Variants in LPP observed in about 807,000 individuals in gnomAD.
LPP encodes the protein LIM domain containing preferred translocation partner in lipoma.
LPP carries 38 observed loss-of-function variants against 60.4 expected under a neutral mutation model. The ratio of observed to expected loss-of-function variants is 0.63; its 90% CI spans 0.49 to 0.83. The LOEUF (loss-of-function observed/expected upper bound fraction) is 0.83, where lower values mean the gene tolerates loss of function less well. Among genes scored for constraint, LPP ranks in the 40% least tolerant of loss-of-function variants. The probability of loss-of-function intolerance (pLI) is 0.00; values close to 1 mark genes in which losing one functional copy is unlikely to be tolerated. For synonymous variants in LPP, 328 were observed against 290.8 expected, an observed-to-expected ratio of 1.13 and a Z score of -1.30; for missense variants, 902 against 783.6, an observed-to-expected ratio of 1.15 and a Z score of -1.80.
chr3:188,531,308 TA>T (rs1335200827), intron 6 of LPP, among the ~76,000 whole-genome samples: 2 of 152,172 alleles, frequency 1.3e-5, no homozygotes, highest in African/African-American at 4.8e-5. Context: ...TCCTAGGTGA[TA>T]GGGGTGCTGG....
chr3:188,479,896 A>G (rs1047176258), intron 4 of LPP, among the ~76,000 whole-genome samples: 1 of 152,222 alleles, frequency 6.6e-6, no homozygotes, highest in Non-Finnish European at 1.5e-5. Flanking sequence ...TTCTACCACA[A>G]TTACCCATAA....
At chr3:188,512,969 A>G (rs1211886246) in intron 5 of LPP, among the ~76,000 whole-genome samples, 1 of 152,192 alleles carries the variant, frequency 6.6e-6, no homozygotes, top group Non-Finnish European at 1.5e-5. Context: ...ATAAATCCAC[A>G]CAATTGTTGC....
At chr3:188,191,163 A>G (rs1317776837) in intron 1 of LPP, among the ~76,000 whole-genome samples, 1 of 152,204 alleles carries the variant, frequency 6.6e-6, no homozygotes, top group Non-Finnish European at 1.5e-5. Flanking sequence ...CCAGGAGGCC[A>G]AGGTTGCAGT....
intron 5 of LPP, among the ~76,000 whole-genome samples, chr3:188,523,775 T>C (rs1819672841): frequency 6.6e-6 from 1 of 152,260 alleles, no homozygotes; most frequent in Non-Finnish European, 1.5e-5. Context: ...AGATACACTT[T>C]GGTCTCTTAA....
chr3:188,476,229 T>C (rs1446687207), intron 4 of LPP, among the ~76,000 whole-genome samples: 1 of 151,888 alleles, frequency 6.6e-6, no homozygotes, highest in Non-Finnish European at 1.5e-5. Flanking sequence ...ATTTGTTTGT[T>C]TTTCCCTGGG....
chr3:188,399,589 G>A (rs1781760976), intron 3 of LPP, among the ~76,000 whole-genome samples: 2 of 152,152 alleles, frequency 1.3e-5, no homozygotes, highest in African/African-American at 4.8e-5. Context: ...TAGGCCTTGA[G>A]TTAGTTGCCA....
chr3:188,351,843 C>G (rs1032772866), intron 3 of LPP, among the ~76,000 whole-genome samples: 2 of 152,058 alleles, frequency 1.3e-5, no homozygotes, highest in Non-Finnish European at 2.9e-5. Flanking sequence ...TCAAAATTGG[C>G]GTTGGGGGAC....
chr3:188,790,185 G>A (rs919764377), intron 9 of LPP, among the ~76,000 whole-genome samples: 6 of 152,014 alleles, frequency 3.9e-5, no homozygotes, highest in African/African-American at 1.4e-4. Flanking sequence ...ATAACATGGA[G>A]GCTATCAGAA....
Position 188,887,358 on chromosome 3 carries a change from T to A in LPP, c.*12879T>A, listed in dbSNP as rs1435671492. 1 of 216,556 alleles carries A rather than the reference T, an allele frequency of 4.6e-6. No homozygotes were observed. The highest frequency in any genetic ancestry group is 9.3e-6 in the Non-Finnish European group (1 of 107,586). The allele number at this position is 216,556 out of a possible 1,614,324, so 13.4% of individuals were successfully genotyped here. A position where few individuals can be genotyped will look rare whatever the true frequency, so the allele number is the denominator to read the frequency against. On this transcript the variant is annotated 3_prime_UTR_variant, in exon 12 of 12. Coordinates refer to ENST00000617246, the MANE Select transcript of LPP (RefSeq NM_001375462.1). ...TTGGGTGACAGCAATGCTCACTTAG[T>A]AATTATAAACTGGAAATAGGAGAGT...
At position 188,760,119 on chromosome 3, in the gene LPP, G is replaced by A. The variant is rs756935332; in HGVS notation, c.1247G>A (p.Cys416Tyr). The change falls in exon 9 of 12, where the codon TGT becomes TAT. Residue 416 changes from cysteine (C) to tyrosine (Y), a missense_variant. By Grantham distance (194) the Cys-to-Tyr change is radical. Transcript: ENST00000617246. ...CAAACCCTTTTTTTTCCAGGCCGCTGTGCTCGCTGTGGAGAAAACGTAGTT... is the reference window on the plus strand; with the variant it reads ...CAAACCCTTTTTTTTCCAGGCCGCTATGCTCGCTGTGGAGAAAACGTAGTT... ...NPPADEYFGR[C>Y]ARCGENVVGE... The A allele has an allele frequency of 6.2e-7, 1 of 1,613,940 alleles. No homozygotes were observed. Among genetic ancestry groups the A allele is most frequent in the Non-Finnish European group, 8.5e-7 (1 of 1,179,956 alleles).
At chr3:188,828,614 C>CAAAAA (rs71169022) in intron 9 of LPP, among the ~76,000 whole-genome samples, 1,441 of 31,316 alleles carry the variant, frequency 0.046, 354 homozygotes, top group Non-Finnish European at 0.053. Flanking sequence ...AACTCTGTCT[C>CAAAAA]AAAAAAAAAA....
intron 2 of LPP, among the ~76,000 whole-genome samples, chr3:188,273,265 T>G (rs1577742108): frequency 6.6e-6 from 1 of 152,218 alleles, no homozygotes; most frequent in Non-Finnish European, 1.5e-5. Flanking sequence ...GTCAGTTTAC[T>G]TTCACAACTG....
intron 7 of LPP, among the ~76,000 whole-genome samples, chr3:188,684,957 A>G (rs1425387536): frequency 6.6e-6 from 1 of 152,244 alleles, no homozygotes; most frequent in East Asian, 1.9e-4. Flanking sequence ...GGTGCCTCAG[A>G]AGAGTTAGGT....
Position 188,866,275 on chromosome 3 carries a change from C to T in LPP, c.1486C>T (p.His496Tyr), listed in dbSNP as rs2151991500. The change falls in exon 10 of 12, where the codon CAT (histidine) becomes TAT (tyrosine). Residue 496 changes from histidine (H) to tyrosine (Y), a missense_variant. Coordinates refer to ENST00000617246, the MANE Select transcript of LPP (RefSeq NM_001375462.1). ...RILRATGKAY[H>Y]PHCFTCVMCH... is the part of the protein sequence containing the mutation. ...TCTCCGAGCCACCGGGAAGGCCTAT[C>T]ATCCTCACTGTTTCACCTGCGTGAT... 6.3e-7 allele frequency: 1 copy of T among 1,593,052 alleles called. No individual in the cohort carries two copies. The highest frequency in any genetic ancestry group is 8.6e-7 in the Non-Finnish European group (1 of 1,169,046).
chr3:188,561,312 C>T (rs879389378), intron 6 of LPP, among the ~76,000 whole-genome samples: 3 of 151,882 alleles, frequency 2.0e-5, no homozygotes, highest in Non-Finnish European at 4.4e-5. Flanking sequence ...GAGAGTGGTC[C>T]CCTTGATACT....
intron 6 of LPP, among the ~76,000 whole-genome samples, chr3:188,577,127 C>T (rs1002330874): frequency 1.1e-4 from 16 of 152,254 alleles, no homozygotes; most frequent in Admixed American, 5.9e-4. Context: ...GATCACTGAG[C>T]TCTCAAACAC....
intron 3 of LPP, among the ~76,000 whole-genome samples, chr3:188,392,601 A>T (rs1342610388): frequency 6.6e-6 from 1 of 152,220 alleles, no homozygotes; most frequent in Non-Finnish European, 1.5e-5. Flanking sequence ...ATGCAATCAC[A>T]GTACAACTCA....
chr3:188,339,422 C>T (rs896386789), intron 2 of LPP, among the ~76,000 whole-genome samples: 1 of 152,184 alleles, frequency 6.6e-6, no homozygotes, highest in African/African-American at 2.4e-5. Context: ...TTAGTCCATT[C>T]TCACGCTGCT....
chr3:188,689,366 C>T (rs1204444546), intron 7 of LPP, among the ~76,000 whole-genome samples: 1 of 152,162 alleles, frequency 6.6e-6, no homozygotes, highest in Non-Finnish European at 1.5e-5. Flanking sequence ...GGCCAGAATG[C>T]TATTATTTCA....
Sources: allele counts gnomAD v4.1 joint callset (sites outside exome capture counted in the v4.1 genomes callset), GRCh38; gene constraint gnomAD v4.1.1; transcripts MANE v1.5; gene names NCBI Gene and HGNC (gene_info 2026-07-23, HGNC 2026-07-21).